GLI1: variants seen among roughly 807,000 people sequenced by gnomAD.
GLI1 encodes GLI family zinc finger 1, also known as transcription activator GLI1.
Under a neutral mutation model 87.8 loss-of-function variants are expected in GLI1, and 51 were observed. The ratio of observed to expected loss-of-function variants is 0.58; its 90% CI spans 0.46 to 0.73. GLI1 has a LOEUF of 0.73. Ranked by LOEUF, GLI1 falls within the 30% of genes least tolerant of loss-of-function variation. The probability of loss-of-function intolerance (pLI) is 0.00; values close to 1 mark genes in which losing one functional copy is unlikely to be tolerated. For synonymous variants in GLI1, 528 were observed against 558.2 expected, an observed-to-expected ratio of 0.95 and a Z score of 0.76; for missense variants, 1,292 against 1,437.2, an observed-to-expected ratio of 0.90 and a Z score of 1.63.
At position 57,467,426 on chromosome 12, in the gene GLI1, G is replaced by C. The variant is rs913242901; in HGVS notation, c.1006G>C (p.Glu336Gln). The change falls in exon 9 of 12, where the codon GAG becomes CAG. Residue 336 changes from glutamate (E) to glutamine (Q), a missense_variant. Around this residue, in one of 3 missense-constraint regions of GLI1, gnomAD observed 897 missense variants for 1,040.7 expected, o/e 0.86. Coordinates refer to ENST00000228682, the MANE Select transcript of GLI1 (RefSeq NM_005269.3). ...TGAGAAGCCATACATGTGTGAGCAC[G>C]AGGGCTGCAGTAAAGCCTTCAGCAA... is the stretch of plus-strand genomic sequence containing the variant. ...TGEKPYMCEH[E>Q]GCSKAFSNAS... is the part of the protein sequence containing the mutation. The C allele has an allele frequency of 1.2e-6, 2 of 1,612,816 alleles. No homozygotes were observed. Among genetic ancestry groups the C allele is most frequent in the African/African-American group, 1.3e-5 (1 of 74,964 alleles).
At chr12:57,465,983 G>C in intron 7 of GLI1, 58 bp downstream of exon 7, 1 of 1,508,092 alleles carries the variant, frequency 6.6e-7, no homozygotes, top group Non-Finnish European at 9.2e-7. Context: ...ATTCTGAGTG[G>C]GACATGGTGG....
Position 57,464,074 on chromosome 12 carries a change from C to T in GLI1, c.176C>T (p.Thr59Ile), listed in dbSNP as rs375170232. 57 of 1,609,764 alleles carry T rather than the reference C, an allele frequency of 3.5e-5. 1 individual carries two copies. Among genetic ancestry groups the T allele is most frequent in the Non-Finnish European group, 4.6e-5 (54 of 1,176,136 alleles). ...GPHSYGPARE[T>I]NSCTEGPLFS... ...CACAGTTATGGGCCAGCCAGAGAGA[C>T]CAACAGCTGCACCGAGGGTGAGGGC... Residue 59 changes from threonine to isoleucine, a missense_variant, in exon 3 of 12, where the codon ACC becomes ATC. Around this residue, in one of 3 missense-constraint regions of GLI1, gnomAD observed 383 missense variants for 368.4 expected, o/e 1.04. Transcript: ENST00000228682.
chr12:57,471,955 G>A lies in GLI1; in HGVS notation c.3215G>A (p.Gly1072Glu). The A allele has an allele frequency of 1.2e-6, 2 of 1,609,438 alleles. No homozygotes were observed. Among genetic ancestry groups the A allele is most frequent in the South Asian group, 2.2e-5 (2 of 90,530 alleles). ...TCCCATGATCAGCGGGGCAGCTCTG[G>A]ACATACCCCACCTCCCTCTGGGCCC... ...PPSHDQRGSS[G>E]HTPPPSGPPN... The change falls in exon 12 of 12, where the codon GGA (glycine) becomes GAA (glutamate). Residue 1072 changes from glycine (G) to glutamate (E), a missense_variant. Physicochemically the swap from Gly to Glu is moderately conservative, Grantham distance 98. Transcript: ENST00000228682. This position sits in a 1 kb window ranked among gnomAD's most constrained non-coding sequence, Gnocchi z 4.9.
Position 57,468,174 on chromosome 12 carries a change from G to A in GLI1, c.1258G>A (p.Gly420Arg). The change falls in exon 10 of 12, where the codon GGA (glycine) becomes AGA (arginine). Residue 420 changes from glycine (G) to arginine (R), a missense_variant. Physicochemically the swap from Gly to Arg is moderately radical, Grantham distance 125 (BLOSUM62 -2). Transcript: ENST00000228682. Reference protein sequence around the residue: ...STVEPKREREGGPIREESRLT... With the variant: ...STVEPKRERERGPIREESRLT... ...AGTGGAGCCCAAGAGGGAGCGGGAA[G>A]GAGGTCCCATCAGGGAGGAAAGCAG... The A allele has an allele frequency of 8.7e-6, 14 of 1,614,218 alleles. No homozygotes were observed. The highest frequency in any genetic ancestry group is 1.2e-5 in the Non-Finnish European group (14 of 1,180,020).
At position 57,470,676 on chromosome 12, in the gene GLI1, G is replaced by A; in HGVS notation, c.1936G>A (p.Ala646Thr). The A allele has an allele frequency of 6.2e-7, 1 of 1,613,112 alleles. No homozygotes were observed. The highest frequency in any genetic ancestry group is 2.2e-5 in the East Asian group (1 of 44,870). ...TRRASDPAQAADRPAPARVQR... is the reference protein window; with the variant it reads ...TRRASDPAQATDRPAPARVQR... ...GAGGGCCAGTGACCCAGCCCAGGCT[G>A]CTGACCGTCCTGCTCCAGCTAGAGT... Residue 646 changes from alanine (A) to threonine (T), a missense_variant, in exon 12 of 12, where the codon GCT (alanine) becomes ACT (threonine). By Grantham distance (58) the Ala-to-Thr change is moderately conservative (BLOSUM62 0). Coordinates refer to ENST00000228682, the MANE Select transcript of GLI1 (RefSeq NM_005269.3).
intron 8 of GLI1, 137 bp downstream of exon 8, chr12:57,466,526 G>A: frequency 1.6e-6 from 1 of 627,408 alleles, no homozygotes; most frequent in Non-Finnish European, 2.7e-6. Context: ...TTGTGTGACT[G>A]TGTTGGCATA....
In GLI1 at chr12:57,472,014, C is replaced by T; in HGVS notation, c.3274C>T (p.Leu1092=). The change falls in exon 12 of 12, where the codon CTG becomes TTG. Residue 1092 remains leucine (L), a synonymous_variant. Transcript: ENST00000228682. ...GGCTGTGGGCAACATGAGTGTCTTA[C>T]TGAGATCCCTACCTGGGGAAACAGA... is the stretch of plus-strand genomic sequence containing the variant. ...NMAVGNMSVL[L]RSLPGETEFL... is the part of the protein sequence containing the mutation. The T allele has an allele frequency of 2.0e-6, 3 of 1,535,096 alleles. No homozygotes were observed. The highest frequency in any genetic ancestry group is 1.4e-5 in the African/African-American group (1 of 71,826).
chr12:57,463,906 A>G, intron 2 of GLI1, 93 bp from the exon 3 acceptor site: 1 of 1,140,800 alleles, frequency 8.8e-7, no homozygotes, highest in South Asian at 1.2e-5. Flanking sequence ...CCCATGTCAT[A>G]TGGACCTGGA....
rs758609027 is a variant in GLI1 at position 57,471,081 on chromosome 12, G to A, written c.2341G>A (p.Gly781Ser). Reference sequence around the variant, plus strand: ...TCCTGACCCCACCCAAGAAACATGGGGTGAGTTCCCTTCCCACTCTGGGCT... The same window carrying A: ...TCCTGACCCCACCCAAGAAACATGGAGTGAGTTCCCTTCCCACTCTGGGCT... ...SYPDPTQETW[G>S]EFPSHSGLYP... The change falls in exon 12 of 12, where the codon GGT becomes AGT. Residue 781 changes from glycine to serine, a missense_variant. Gly to Ser is a moderately conservative substitution (Grantham distance 56). Coordinates refer to ENST00000228682, the MANE Select transcript of GLI1 (RefSeq NM_005269.3). This position sits in a 1 kb window ranked among gnomAD's most constrained non-coding sequence, Gnocchi z 4.9. The A allele has an allele frequency of 3.1e-6, 5 of 1,613,316 alleles. No individual in the cohort carries two copies. The Admixed American group carries it at 5.0e-5, about 16-fold the overall frequency.
At position 57,470,301 on chromosome 12, in the gene GLI1, TC is replaced by T. The variant is rs1871783379; in HGVS notation, c.1577-12del. 1 of 1,528,280 alleles carries T rather than the reference TC, an allele frequency of 6.5e-7. No individual in the cohort carries two copies. Among genetic ancestry groups the T allele is most frequent in the South Asian group, 1.3e-5 (1 of 77,606 alleles). 94.7% of individuals were successfully genotyped at this position (1,528,280 alleles called of 1,614,324 possible). ...AGCTCCTTGACCATCCTACCTTTTCTCCCCATCACTTGCAGGTACCACTGTG... is the reference window on the plus strand; with the variant it reads ...AGCTCCTTGACCATCCTACCTTTTCTCCCATCACTTGCAGGTACCACTGTG... On this transcript the variant is annotated splice_polypyrimidine_tract_variant and intron_variant, in intron 11 of 11. Coordinates refer to ENST00000228682, the MANE Select transcript of GLI1 (RefSeq NM_005269.3).
Position 57,463,649 on chromosome 12 carries a change from C to T in GLI1, c.-27-16C>T, listed in dbSNP as rs1441919773. ...TCTATTTCCTCCACCTTTATACCTA[C>T]CTTCCCTTTCTGCAGTGTCCCCACA... is the stretch of plus-strand genomic sequence containing the variant. On this transcript the variant is annotated splice_polypyrimidine_tract_variant and intron_variant, in intron 1 of 11. Transcript: ENST00000228682. The T allele has an allele frequency of 8.6e-7, 1 of 1,167,212 alleles. No individual in the cohort carries two copies. The highest frequency in any genetic ancestry group is 1.3e-6 in the Non-Finnish European group (1 of 775,686). The allele number at this position is 1,167,212 out of a possible 1,614,324, so 72.3% of individuals were successfully genotyped here.
In GLI1 at chr12:57,466,266, G is replaced by A. The variant is rs2139855940; in HGVS notation, c.789G>A (p.Gly263=). Residue 263 remains glycine (G), a synonymous_variant, in exon 8 of 12, where the codon GGG becomes GGA. Coordinates refer to ENST00000228682, the MANE Select transcript of GLI1 (RefSeq NM_005269.3). ...VHHINSEHIH[G]ERKEFVCHWG... ...ACATCAACAGCGAGCACATCCACGG[G>A]GAGCGGAAGGAGTTCGTGTGCCACT... 1 of 1,613,772 alleles carries A rather than the reference G, an allele frequency of 6.2e-7. No homozygotes were observed.
rs1327411676 is a variant in GLI1, at chr12:57,463,986, C to T, written c.101-13C>T. 5.0e-6 allele frequency: 8 copies of T among 1,598,790 alleles called. No homozygotes were observed. Among genetic ancestry groups the T allele is most frequent in the South Asian group, 1.1e-5 (1 of 90,792 alleles). ...TATCCTCCATTCCCATTCCAGCTGTCTCTTTTTTCTAGGACTGTCTGGCCC... is the reference window on the plus strand; with the variant it reads ...TATCCTCCATTCCCATTCCAGCTGTTTCTTTTTTCTAGGACTGTCTGGCCC... On this transcript the variant is annotated splice_polypyrimidine_tract_variant and intron_variant, in intron 2 of 11. Transcript: ENST00000228682.
At position 57,465,275 on chromosome 12, in the gene GLI1, T is replaced by C. The variant is rs368191306; in HGVS notation, c.534+20T>C. ...TGCCAGGTGAGAGTCCCCATATTGC[T>C]ACCTGATTTCCCTCAGCTCAGGGTG... On this transcript the variant is annotated intron_variant, in intron 5 of 11. Coordinates refer to ENST00000228682, the MANE Select transcript of GLI1 (RefSeq NM_005269.3). 3.5e-4 allele frequency: 553 copies of C among 1,564,892 alleles called. 1 individual carries two copies. Among genetic ancestry groups the C allele is most frequent in the Non-Finnish European group, 4.4e-4 (508 of 1,144,586 alleles).
intron 1 of GLI1, among the ~76,000 whole-genome samples, chr12:57,462,419 GCCGGC>G (rs1348752679): frequency 6.6e-6 from 1 of 151,868 alleles, no homozygotes; most frequent in Non-Finnish European, 1.5e-5. Context: ...CACCGCGCCG[GCCGGC>G]CCGGCCCGCT....
chr12:57,461,863 A>T (rs1871161485), intron 1 of GLI1, among the ~76,000 whole-genome samples: 1 of 152,172 alleles, frequency 6.6e-6, no homozygotes, highest in African/African-American at 2.4e-5. Flanking sequence ...GACACCGAAG[A>T]TGGTTTAGGG....
Position 57,463,654 on chromosome 12 carries a change from C to A in GLI1, c.-27-11C>A. Reference sequence around the variant, plus strand: ...TTCCTCCACCTTTATACCTACCTTCCCTTTCTGCAGTGTCCCCACACCCTC... The same window carrying A: ...TTCCTCCACCTTTATACCTACCTTCACTTTCTGCAGTGTCCCCACACCCTC... On this transcript the variant is annotated splice_polypyrimidine_tract_variant and intron_variant, in intron 1 of 11. Transcript: ENST00000228682. 8.1e-7 allele frequency: 1 copy of A among 1,228,632 alleles called. No individual in the cohort carries two copies. Among genetic ancestry groups the A allele is most frequent in the Non-Finnish European group, 1.2e-6 (1 of 831,232 alleles). The allele number at this position is 1,228,632 out of a possible 1,614,324, so 76.1% of individuals were successfully genotyped here.
Position 57,471,065 on chromosome 12 carries a change from C to T in GLI1, c.2325C>T (p.Pro775=), listed in dbSNP as rs1297252492. The change falls in exon 12 of 12, where the codon CCC becomes CCT. Residue 775 remains proline (P), a synonymous_variant. Transcript: ENST00000228682. The surrounding 1 kb of genome is among the most constrained non-coding windows in gnomAD (Gnocchi z 4.9). ...CCCAGCAGGCCTCATATCCTGACCCCACCCAAGAAACATGGGGTGAGTTCC... is the reference window on the plus strand; with the variant it reads ...CCCAGCAGGCCTCATATCCTGACCCTACCCAAGAAACATGGGGTGAGTTCC... ...PCPQQASYPD[P]TQETWGEFPS... is the part of the protein sequence containing the mutation. The T allele has an allele frequency of 1.9e-6, 3 of 1,611,906 alleles. No homozygotes were observed. The highest frequency in any genetic ancestry group is 1.7e-5 in the Admixed American group (1 of 59,802).
Position 57,464,086 on chromosome 12 carries a change from C to T in GLI1, c.188C>T (p.Thr63Ile). ...YGPARETNSC[T>I]EGPLFSSPRS... is the part of the protein sequence containing the mutation. ...CCAGCCAGAGAGACCAACAGCTGCA[C>T]CGAGGGTGAGGGCTCAGGCAACACC... Residue 63 changes from threonine to isoleucine, a missense_variant, in exon 3 of 12, where the codon ACC becomes ATC. Around this residue, in one of 3 missense-constraint regions of GLI1, gnomAD observed 383 missense variants for 368.4 expected, o/e 1.04. Coordinates refer to ENST00000228682, the MANE Select transcript of GLI1 (RefSeq NM_005269.3). The T allele has an allele frequency of 6.2e-7, 1 of 1,603,212 alleles. No homozygotes were observed. Among genetic ancestry groups the T allele is most frequent in the African/African-American group, 1.3e-5 (1 of 74,838 alleles).
Sources: allele counts gnomAD v4.1 joint callset (sites outside exome capture counted in the v4.1 genomes callset), GRCh38; gene constraint gnomAD v4.1.1; regional missense constraint gnomAD v4.1.1; non-coding constraint Gnocchi (gnomAD v3.1); transcripts MANE v1.5; gene names NCBI Gene and HGNC (gene_info 2026-07-23, HGNC 2026-07-21).